ZFP64: variants seen among roughly 807,000 people sequenced by gnomAD.
The protein encoded by ZFP64 is zinc finger protein 64.
Under a neutral mutation model 51.6 loss-of-function variants are expected in ZFP64, and 14 were observed. The ratio of observed to expected loss-of-function variants is 0.27; its 90% confidence interval spans 0.18 to 0.42. The LOEUF (loss-of-function observed/expected upper bound fraction) is 0.42. Among genes scored for constraint, ZFP64 ranks in the 10% least tolerant of loss-of-function variants. The pLI is 1.00. For missense variants in ZFP64, 754 were observed against 906.8 expected (o/e 0.83, Z 2.16); for synonymous variants, 375 against 361.4 (o/e 1.04, Z -0.43).
intron 2 of ZFP64, among the ~76,000 whole-genome samples, chr20:52,173,189 A>AT (rs1982896189): frequency 6.6e-6 from 1 of 152,138 alleles, no homozygotes; most frequent in Non-Finnish European, 1.5e-5. Context: ...TAAAAATTCC[A>AT]TTTAACAAAT....
At position 52,085,197 on chromosome 20, in the gene ZFP64, A is replaced by G; in HGVS notation, c.1298T>C (p.Met433Thr). Residue 433 changes from methionine (M) to threonine (T), a missense_variant, in exon 9 of 9, where the codon ATG becomes ACG. Coordinates refer to the ZFP64 transcript ENST00000361387. This position sits in a 1 kb window ranked among gnomAD's most constrained non-coding sequence, Gnocchi z 4.3. The stretch of plus-strand genomic sequence containing the variant: ...AGGCTTCTCCCCCGAGTGCACGATC[A>G]TGTGCCTTTTCAAGTCCGAGCTGAT... 1 of 1,614,230 alleles carries G rather than the reference A, an allele frequency of 6.2e-7. No homozygotes were observed. Among genetic ancestry groups the G allele is most frequent in the South Asian group, 1.1e-5 (1 of 91,084 alleles).
At chr20:52,124,143 A>G (rs1979331265) in intron 5 of ZFP64, among the ~76,000 whole-genome samples, 1 of 150,834 alleles carries the variant, frequency 6.6e-6, no homozygotes, top group South Asian at 2.1e-4. Flanking sequence ...GTGCTGGGCT[A>G]GTAAACTTTT....
chr20:52,126,584 G>A (rs750893404), intron 5 of ZFP64, among the ~76,000 whole-genome samples: 10 of 152,144 alleles, frequency 6.6e-5, no homozygotes, highest in Non-Finnish European at 1.5e-4. Context: ...TTTTAATACT[G>A]AGAAAAATTT....
At chr20:52,108,869 C>CACAG (rs1978396715) in intron 5 of ZFP64, among the ~76,000 whole-genome samples, 1 of 147,304 alleles carries the variant, frequency 6.8e-6, no homozygotes, top group African/African-American at 2.5e-5. Flanking sequence ...GAAACACACA[C>CACAG]ACACACACAC....
At chr20:52,129,118 G>A (rs1001454037) in intron 5 of ZFP64, among the ~76,000 whole-genome samples, 2 of 147,716 alleles carry the variant, frequency 1.4e-5, no homozygotes, top group African/African-American at 2.5e-5. Flanking sequence ...GTCTCGCTCT[G>A]TTGCCCAGGC....
intron 5 of ZFP64, among the ~76,000 whole-genome samples, chr20:52,137,559 A>G (rs6021726): frequency 0.71 from 108,019 of 152,126 alleles, 38,834 homozygotes; most frequent in African/African-American, 0.78. Context: ...TCAGAGTAAA[A>G]GCGCAACATA....
rs79035061 is a variant in ZFP64 at position 52,089,870 on chromosome 20, G to A, written c.977-1227C>T. On this transcript the variant is annotated intron_variant, in intron 7 of 8. Coordinates refer to the ZFP64 transcript ENST00000361387. ...TAATGTTGGTAATGGGGAAGGCTGT[G>A]CATGCGCAGGAGCAGGGAGCATGTG... Among the ~76,000 whole-genome samples, 74 of 152,292 alleles carry A rather than the reference G, an allele frequency of 4.9e-4. No individual in the cohort carries two copies. The East Asian group carries it at 0.011, about 23-fold the overall frequency.
At chr20:52,095,482 C>T (rs955961252) in intron 7 of ZFP64, among the ~76,000 whole-genome samples, 21 of 151,974 alleles carry the variant, frequency 1.4e-4, no homozygotes, top group Non-Finnish European at 2.2e-4. Context: ...TTACTTGAGT[C>T]CCAGTAGTGA....
chr20:52,131,979 A>C (rs931974619), intron 5 of ZFP64, among the ~76,000 whole-genome samples: 24 of 152,278 alleles, frequency 1.6e-4, no homozygotes, highest in African/African-American at 5.8e-4. Flanking sequence ...GTCACAAAAC[A>C]AGTCTTAAAA....
chr20:52,125,837 A>G (rs1276674952), intron 5 of ZFP64, among the ~76,000 whole-genome samples: 1 of 152,158 alleles, frequency 6.6e-6, no homozygotes, highest in Non-Finnish European at 1.5e-5. Context: ...TGGCTACACT[A>G]ATTGACTGCC....
intron 5 of ZFP64, among the ~76,000 whole-genome samples, chr20:52,138,690 A>G (rs1289731411): frequency 6.6e-6 from 1 of 152,176 alleles, no homozygotes; most frequent in African/African-American, 2.4e-5. Context: ...AGGAAAGCTT[A>G]GTTTTAAAAA....
chr20:52,102,496 C>A (rs1401731225), intron 5 of ZFP64, among the ~76,000 whole-genome samples: 1 of 152,146 alleles, frequency 6.6e-6, no homozygotes, highest in African/African-American at 2.4e-5. Flanking sequence ...TTGGAACCCA[C>A]ACTTGCCAGA....
At chr20:52,094,137 G>A (rs1053537218) in intron 7 of ZFP64, among the ~76,000 whole-genome samples, 2 of 152,098 alleles carry the variant, frequency 1.3e-5, no homozygotes, top group African/African-American at 4.8e-5. Context: ...ATGCAGCTGG[G>A]GTGACTGTGG....
At chr20:52,087,478 G>T (rs2078876676) in intron 8 of ZFP64, among the ~76,000 whole-genome samples, 1 of 152,158 alleles carries the variant, frequency 6.6e-6, no homozygotes, top group South Asian at 2.1e-4. Context: ...TTCTGCCAGT[G>T]GGTAGACACC....
At chr20:52,099,319 CTTTTTTTTT>C (rs3035409) in intron 5 of ZFP64, among the ~76,000 whole-genome samples, 4 of 149,916 alleles carry the variant, frequency 2.7e-5, no homozygotes, top group Non-Finnish European at 4.5e-5. Context: ...CAATGTCAAA[CTTTTTTTTT>C]TTTTTTTAAG....
At chr20:52,099,819 A>C (rs2079031375) in intron 5 of ZFP64, among the ~76,000 whole-genome samples, 1 of 152,226 alleles carries the variant, frequency 6.6e-6, no homozygotes, top group Non-Finnish European at 1.5e-5. Context: ...TATTTTTAGG[A>C]AGGTTGAACT....
intron 5 of ZFP64, among the ~76,000 whole-genome samples, chr20:52,112,039 G>A (rs902863992): frequency 2.8e-5 from 4 of 140,528 alleles, no homozygotes; most frequent in Non-Finnish European, 6.0e-5. Flanking sequence ...CCAAAATCGT[G>A]CCACTGCACT....
Position 52,088,458 on chromosome 20 carries a change from AT to A in ZFP64, c.1161del (p.Lys387AsnfsTer43). 1 of 1,614,156 alleles carries A rather than the reference AT, an allele frequency of 6.2e-7. No homozygotes were observed. The highest frequency in any genetic ancestry group is 8.5e-7 in the Non-Finnish European group (1 of 1,180,020). ...CGGCTGGCATAGGGGCAGAGCTGGCATTTGTACGGCCGCTCATCAGAGTGGA... is the reference window on the plus strand; with the variant it reads ...CGGCTGGCATAGGGGCAGAGCTGGCATTGTACGGCCGCTCATCAGAGTGGA... On this transcript the variant is annotated frameshift_variant, in exon 8 of 9. Transcript: ENST00000361387. LOFTEE classifies it high-confidence loss of function.
chr20:52,100,652 A>C (rs891418264), intron 5 of ZFP64, among the ~76,000 whole-genome samples: 4 of 152,186 alleles, frequency 2.6e-5, no homozygotes, highest in Non-Finnish European at 5.9e-5. Flanking sequence ...TTTATTGAGA[A>C]GTTTGTGCGG....
Sources: gnomAD v4.1 joint callset for allele counts (sites outside exome capture counted in the v4.1 genomes callset) on GRCh38, gnomAD v4.1.1 for gene constraint, Gnocchi (gnomAD v3.1) non-coding constraint, MANE v1.5 for transcripts, NCBI Gene and HGNC (gene_info 2026-07-23, HGNC 2026-07-21) for gene names.